Variants in SLC6A5 observed in about 807,000 individuals in gnomAD.
SLC6A5 encodes solute carrier family 6 member 5.
A neutral mutation model predicts 90.5 loss-of-function variants in SLC6A5; 58 were observed. The ratio of observed to expected loss-of-function variants is 0.64; its 90% confidence interval spans 0.52 to 0.80. The LOEUF (loss-of-function observed/expected upper bound fraction) is 0.80, where lower values mean the gene tolerates loss of function less well. Ranked by LOEUF, SLC6A5 falls within the 30% of genes least tolerant of loss-of-function variation. The probability of loss-of-function intolerance (pLI) is 0.00; values close to 1 mark genes in which losing one functional copy is unlikely to be tolerated. For synonymous variants in SLC6A5, 427 were observed against 401.4 expected (o/e 1.06, Z -0.76); for missense variants, 1,015 against 1,017.6 (o/e 1.00, Z 0.03).
intron 9 of SLC6A5, 105 bp from the exon 10 acceptor site, chr11:20,630,586 C>T: frequency 7.5e-7 from 1 of 1,326,916 alleles, no homozygotes; most frequent in Non-Finnish European, 1.1e-6. Context: ...TATATGCCTA[C>T]ACATGTGCAG....
intron 14 of SLC6A5, 23 bp from the exon 15 acceptor site, chr11:20,652,266 G>C: frequency 6.2e-7 from 1 of 1,612,998 alleles, no homozygotes; most frequent in Non-Finnish European, 8.5e-7. Flanking sequence ...ACCCTAACAC[G>C]TGTGTCACTT....
rs1358053912 is a variant in SLC6A5 at position 20,628,075 on chromosome 11, C to A, written c.1491C>A (p.Asn497Lys). The change falls in exon 9 of 16, where the codon AAC (asparagine) becomes AAA (lysine). Residue 497 changes from asparagine (N) to lysine (K), a missense_variant. Physicochemically the swap from Asn to Lys is moderately conservative, Grantham distance 94 (BLOSUM62 0). Around this residue, in one of 3 missense-constraint regions of SLC6A5, gnomAD observed 442 missense variants for 494.3 expected, o/e 0.89. Coordinates refer to ENST00000525748, the MANE Select transcript of SLC6A5 (RefSeq NM_004211.5). The stretch of plus-strand genomic sequence containing the variant: ...CTTCTTACAACAAATTCCACAACAA[C>A]TGCTACAGGTATGTAGAGGTACTAC... ...TLSSYNKFHNNCYRDTLIVTC... is the reference protein window; with the variant it reads ...TLSSYNKFHNKCYRDTLIVTC... 6.2e-7 allele frequency: 1 copy of A among 1,612,490 alleles called. No individual in the cohort carries two copies. The highest frequency in any genetic ancestry group is 8.5e-7 in the Non-Finnish European group (1 of 1,178,600).
intron 7 of SLC6A5, among the ~76,000 whole-genome samples, chr11:20,621,551 A>C (rs1852889765): frequency 6.6e-6 from 1 of 152,184 alleles, no homozygotes; most frequent in South Asian, 2.1e-4. Context: ...ATCAATGATC[A>C]ATTTTTATTT....
chr11:20,622,756 C>T lies in SLC6A5; in HGVS notation c.1261-3952C>T, dbSNP rs147273876. On this transcript the variant is annotated intron_variant, in intron 7 of 15. Coordinates refer to ENST00000525748, the MANE Select transcript of SLC6A5 (RefSeq NM_004211.5). The stretch of plus-strand genomic sequence containing the variant: ...CTTGGAGATTTCCTTCTATAAGCCA[C>T]CGCTGTCTAGGTCATGTCCTCTCCG... Among the ~76,000 whole-genome samples, 289 of 150,098 alleles carry T rather than the reference C, an allele frequency of 1.9e-3. 1 individual carries two copies. Among genetic ancestry groups the T allele is most frequent in the Middle Eastern group, 6.8e-3 (2 of 294 alleles).
At chr11:20,611,762 T>C (rs1236463265) in intron 5 of SLC6A5, among the ~76,000 whole-genome samples, 2 of 84,780 alleles carry the variant, frequency 2.4e-5, no homozygotes, top group Admixed American at 1.2e-4. Flanking sequence ...TTTATTTATT[T>C]TGGTGAAAAA....
In SLC6A5 at chr11:20,620,423, T is replaced by C. The variant is rs115531019; in HGVS notation, c.1260+2539T>C. 3.0e-3 allele frequency among the ~76,000 whole-genome samples: 453 copies of C among 152,342 alleles called. 4 individuals are homozygous for C. Among genetic ancestry groups the C allele is most frequent in the African/African-American group, 0.01 (433 of 41,580 alleles). ...TAGTGCATAATACTTAGGATTGCTG[T>C]AAGGATGAAGTGAGACATGCATGCT... On this transcript the variant is annotated intron_variant, in intron 7 of 15. Coordinates refer to ENST00000525748, the MANE Select transcript of SLC6A5 (RefSeq NM_004211.5).
In SLC6A5 at chr11:20,658,681, G is replaced by C. The variant is rs2133831324; in HGVS notation, c.*3813G>C. On this transcript the variant is annotated 3_prime_UTR_variant, in exon 16 of 16. Transcript: ENST00000525748. ...TCAGGTCACCTCTGAGCAGCCTGCAGCCAAAGAGAAAGTGTTTTCAGATTA... is the reference window on the plus strand; with the variant it reads ...TCAGGTCACCTCTGAGCAGCCTGCACCCAAAGAGAAAGTGTTTTCAGATTA... The C allele has an allele frequency of 6.6e-6, 1 of 152,334 alleles. No homozygotes were observed. The highest frequency in any genetic ancestry group is 1.9e-4 in the East Asian group (1 of 5,178). 9.4% of individuals were successfully genotyped at this position (152,334 alleles called of 1,614,324 possible).
intron 5 of SLC6A5, among the ~76,000 whole-genome samples, chr11:20,611,188 C>T (rs1314974705): frequency 6.6e-6 from 1 of 152,182 alleles, no homozygotes; most frequent in Non-Finnish European, 1.5e-5. Context: ...TAAGCAGGGG[C>T]TCATGCCTGT....
chr11:20,610,656 C>A (rs918633317), intron 5 of SLC6A5, among the ~76,000 whole-genome samples: 5 of 152,136 alleles, frequency 3.3e-5, no homozygotes, highest in Non-Finnish European at 7.3e-5. Context: ...AAAAGCTTTC[C>A]TGGTAAATAT....
intron 10 of SLC6A5, among the ~76,000 whole-genome samples, chr11:20,635,384 A>G (rs888543811): frequency 6.8e-6 from 1 of 146,922 alleles, no homozygotes; most frequent in African/African-American, 2.5e-5. Context: ...TAACCCTTAC[A>G]TGATGTTTCA....
chr11:20,612,321 T>C (rs1852709868), intron 5 of SLC6A5, among the ~76,000 whole-genome samples: 1 of 152,308 alleles, frequency 6.6e-6, no homozygotes, highest in East Asian at 1.9e-4. Context: ...GGAAGATTTT[T>C]AATTTGTGAT....
chr11:20,622,002 G>A (rs1852899536), intron 7 of SLC6A5, among the ~76,000 whole-genome samples: 1 of 151,974 alleles, frequency 6.6e-6, no homozygotes. Flanking sequence ...CAGGCTGTTG[G>A]GCCTTTACCA....
intron 7 of SLC6A5, among the ~76,000 whole-genome samples, chr11:20,621,073 G>T (rs1416368511): frequency 6.6e-6 from 1 of 152,170 alleles, no homozygotes; most frequent in Non-Finnish European, 1.5e-5. Context: ...AAGGTGCTAG[G>T]ATTACAGGTG....
At chr11:20,613,409 T>C (rs550336452) in intron 5 of SLC6A5, among the ~76,000 whole-genome samples, 3 of 152,320 alleles carry the variant, frequency 2.0e-5, no homozygotes, top group Non-Finnish European at 4.4e-5. Flanking sequence ...TATTTGTCAG[T>C]TTATCTGTAT....
At chr11:20,645,061 C>T (rs1365055974) in intron 13 of SLC6A5, among the ~76,000 whole-genome samples, 4 of 152,082 alleles carry the variant, frequency 2.6e-5, no homozygotes, top group Admixed American at 2.6e-4. Context: ...GATCCACCTG[C>T]CTCGGCCTCC....
intron 2 of SLC6A5, among the ~76,000 whole-genome samples, chr11:20,602,078 G>A (rs75833603): frequency 0.059 from 8,989 of 152,322 alleles, 358 homozygotes; most frequent in Non-Finnish European, 0.082. Flanking sequence ...CGTGGTGGTG[G>A]CTGGGGATGG....
Position 20,652,311 on chromosome 11 carries a change from A to G in SLC6A5, c.2093A>G (p.Tyr698Cys), listed in dbSNP as rs1853555580. 4.3e-6 allele frequency: 7 copies of G among 1,613,992 alleles called. No homozygotes were observed. The highest frequency in any genetic ancestry group is 1.3e-5 in the African/African-American group (1 of 74,904). Residue 698 changes from tyrosine to cysteine, a missense_variant, in exon 15 of 16, where the codon TAC becomes TGC. Tyr to Cys is a radical substitution (Grantham distance 194). This residue lies in a region of SLC6A5 where 442 missense variants were observed against 494.3 expected (regional missense o/e 0.89). Transcript: ENST00000525748. Reference sequence around the variant, plus strand: ...CAGTTTATCCTTTGCTTCAGCTTTTACCAGTGGGAGCCCATGACCTATGGC... The same window carrying G: ...CAGTTTATCCTTTGCTTCAGCTTTTGCCAGTGGGAGCCCATGACCTATGGC... ...ILTFILCFSFYQWEPMTYGSY... is the reference protein window; with the variant it reads ...ILTFILCFSFCQWEPMTYGSY...
rs1006217878 is a variant in SLC6A5, at chr11:20,657,757, A to G, written c.*2889A>G. On this transcript the variant is annotated 3_prime_UTR_variant, in exon 16 of 16. Transcript: ENST00000525748. ...CAGAAACTCATTCAGAAAAAAAGCC[A>G]TATGTGAAAAACAGTAATCCTGTCA... 2.6e-5 allele frequency: 4 copies of G among 152,226 alleles called. No individual in the cohort carries two copies. Among genetic ancestry groups the G allele is most frequent in the Admixed American group, 1.3e-4 (2 of 15,290 alleles). The allele number at this position is 152,226 out of a possible 1,614,324, so 9.4% of individuals were successfully genotyped here.
chr11:20,621,478 T>C (rs1270385760), intron 7 of SLC6A5, among the ~76,000 whole-genome samples: 1 of 152,254 alleles, frequency 6.6e-6, no homozygotes, highest in East Asian at 1.9e-4. Context: ...TGAGCAGATA[T>C]GTTTTTCATT....
Sources: allele counts gnomAD v4.1 joint callset (sites outside exome capture counted in the v4.1 genomes callset), GRCh38; gene constraint gnomAD v4.1.1; regional missense constraint gnomAD v4.1.1; transcripts MANE v1.5; gene names NCBI Gene and HGNC (gene_info 2026-07-23, HGNC 2026-07-21).